CDH13: variants seen among roughly 807,000 people sequenced by gnomAD.
CDH13 encodes the protein cadherin-13.
In CDH13, 24 loss-of-function variants were observed where a neutral mutation model predicts 63.8. The ratio of observed to expected loss-of-function variants is 0.38; its 90% confidence interval spans 0.27 to 0.53. CDH13 has a LOEUF of 0.53. Ranked by LOEUF, CDH13 falls within the 20% of genes least tolerant of loss-of-function variation. The pLI is 0.85. For synonymous variants in CDH13, 503 were observed against 355.3 expected, an observed-to-expected ratio of 1.42 and a Z score of -4.67; for missense variants, 1,049 against 903.1, an observed-to-expected ratio of 1.16 and a Z score of -2.07.
At chr16:82,707,385 C>G (rs1412105599) in intron 1 of CDH13, among the ~76,000 whole-genome samples, 3 of 152,110 alleles carry the variant, frequency 2.0e-5, no homozygotes, top group Admixed American at 6.5e-5. Context: ...CAGGCACTGG[C>G]CAATGAGAAT....
At chr16:82,653,478 C>T (rs1910962313) in intron 1 of CDH13, among the ~76,000 whole-genome samples, 1 of 152,142 alleles carries the variant, frequency 6.6e-6, no homozygotes, top group South Asian at 2.1e-4. Flanking sequence ...GAAGGAGCAA[C>T]AGAAATTAGG....
intron 8 of CDH13, among the ~76,000 whole-genome samples, chr16:83,645,169 G>A (rs1339657684): frequency 2.0e-5 from 3 of 152,194 alleles, no homozygotes; most frequent in Non-Finnish European, 4.4e-5. Flanking sequence ...ACGATTGACT[G>A]GTTAAAGAAA....
chr16:82,807,350 G>T (rs2037196089), intron 1 of CDH13, among the ~76,000 whole-genome samples: 1 of 152,114 alleles, frequency 6.6e-6, no homozygotes. Context: ...GGTATTTGTT[G>T]ACTGAAGAAA....
intron 1 of CDH13, among the ~76,000 whole-genome samples, chr16:82,805,762 T>C (rs1381179109): frequency 2.6e-5 from 4 of 152,214 alleles, no homozygotes; most frequent in African/African-American, 9.6e-5. Context: ...AAGTTCCATC[T>C]TAAAGACATG....
chr16:82,882,597 T>A (rs961433201), intron 2 of CDH13, among the ~76,000 whole-genome samples: 5 of 152,162 alleles, frequency 3.3e-5, no homozygotes, highest in Non-Finnish European at 5.9e-5. Flanking sequence ...AGGGTGTTTT[T>A]ATTTTCTTTG....
At chr16:83,014,607 T>A (rs1914501970) in intron 2 of CDH13, among the ~76,000 whole-genome samples, 1 of 150,418 alleles carries the variant, frequency 6.6e-6, no homozygotes, top group Non-Finnish European at 1.5e-5. Flanking sequence ...GGCCCATGCC[T>A]GTAATTCTAG....
intron 3 of CDH13, among the ~76,000 whole-genome samples, chr16:83,085,730 C>T (rs1034488378): frequency 7.2e-5 from 11 of 152,140 alleles, no homozygotes; most frequent in Admixed American, 5.2e-4. Flanking sequence ...AACCATGTCA[C>T]TATGGGTTGT....
chr16:83,279,145 G>A (rs908723250), intron 5 of CDH13, among the ~76,000 whole-genome samples: 2 of 151,624 alleles, frequency 1.3e-5, no homozygotes, highest in Non-Finnish European at 2.9e-5. Context: ...ACAGGAAATA[G>A]TTTTAAGTTC....
intron 2 of CDH13, among the ~76,000 whole-genome samples, chr16:82,999,475 T>G (rs1430298187): frequency 6.6e-6 from 1 of 152,048 alleles, no homozygotes; most frequent in Non-Finnish European, 1.5e-5. Flanking sequence ...TGCCCTTACA[T>G]CAAAATAAAT....
intron 7 of CDH13, among the ~76,000 whole-genome samples, chr16:83,570,325 C>G (rs534336872): frequency 6.6e-6 from 1 of 152,278 alleles, no homozygotes; most frequent in South Asian, 2.1e-4. Flanking sequence ...GTTCACCCCA[C>G]CTTCTAAAAT....
intron 2 of CDH13, among the ~76,000 whole-genome samples, chr16:82,885,954 C>T (rs2040873460): frequency 6.6e-6 from 1 of 152,144 alleles, no homozygotes; most frequent in South Asian, 2.1e-4. Flanking sequence ...TCATTATTAT[C>T]CTCTTGCTAA....
At chr16:83,237,037 A>C (rs959607458) in intron 5 of CDH13, among the ~76,000 whole-genome samples, 2 of 152,184 alleles carry the variant, frequency 1.3e-5, no homozygotes, top group African/African-American at 4.8e-5. Flanking sequence ...TGTGAGGACC[A>C]GGAGGAAGAG....
chr16:82,825,035 T>C (rs775961062), intron 1 of CDH13: 22 of 152,244 alleles, frequency 1.4e-4, no homozygotes, highest in Non-Finnish European at 2.8e-4. Flanking sequence ...AGTGGATGTG[T>C]GCTCAGGTGA....
intron 6 of CDH13, among the ~76,000 whole-genome samples, chr16:83,479,727 G>A (rs2073708952): frequency 6.6e-6 from 1 of 152,104 alleles, no homozygotes. Flanking sequence ...ATTAATTTGT[G>A]CATTCTCAAA....
At chr16:83,650,801 G>C (rs1004364349) in intron 8 of CDH13, among the ~76,000 whole-genome samples, 7 of 152,094 alleles carry the variant, frequency 4.6e-5, no homozygotes, top group Non-Finnish European at 1.0e-4. Context: ...GGGTGGATTC[G>C]GTGGCTAATG....
At chr16:82,666,555 C>T (rs1186888634) in intron 1 of CDH13, among the ~76,000 whole-genome samples, 1 of 152,216 alleles carries the variant, frequency 6.6e-6, no homozygotes, top group Admixed American at 6.5e-5. Flanking sequence ...TGAAGCCAGA[C>T]TCACTTGCAT....
At chr16:83,326,527 T>C (rs1437042253) in intron 5 of CDH13, among the ~76,000 whole-genome samples, 1 of 151,934 alleles carries the variant, frequency 6.6e-6, no homozygotes, top group Non-Finnish European at 1.5e-5. Context: ...CAGGACTATA[T>C]AGTTCAACCG....
intron 1 of CDH13, among the ~76,000 whole-genome samples, chr16:82,780,122 CAG>C (rs1183984153): frequency 2.0e-5 from 3 of 152,212 alleles, no homozygotes; most frequent in African/African-American, 7.2e-5. Context: ...AGTCTCATTG[CAG>C]AGACTTCTGC....
chr16:83,522,575 T>C (rs2074866382), intron 7 of CDH13, among the ~76,000 whole-genome samples: 1 of 152,202 alleles, frequency 6.6e-6, no homozygotes, highest in South Asian at 2.1e-4. Flanking sequence ...GGCCAATAAA[T>C]GTCTAGTTTT....
Sources: allele counts gnomAD v4.1 joint callset (sites outside exome capture counted in the v4.1 genomes callset), GRCh38; gene constraint gnomAD v4.1.1; transcripts MANE v1.5; gene names NCBI Gene and HGNC (gene_info 2026-07-23, HGNC 2026-07-21).